The following KMO variants were observed in gnomAD, a reference collection of about 807,000 sequenced individuals.
The protein encoded by KMO is kynurenine 3-hydroxylase.
KMO carries 24 observed loss-of-function variants against 57.8 expected under a neutral mutation model. The observed-to-expected ratio is 0.42, with a 90% CI of 0.30 to 0.58. The LOEUF is 0.58. Among genes scored for constraint, KMO ranks in the 20% least tolerant of loss-of-function variants. KMO has a pLI of 0.22. For synonymous variants in KMO, 210 were observed against 193.6 expected (o/e 1.08, Z -0.70); for missense variants, 483 against 588.2 (o/e 0.82, Z 1.85).
chr1:241,550,158 TTCTCATCACTCATTGAGTAGC>T (rs1661344129), intron 3 of KMO: 1 of 158,842 alleles, frequency 6.3e-6, no homozygotes, highest in African/African-American at 2.4e-5. Flanking sequence ...AATAGAAAGC[TTCTCATCACTCATTGAGTAGC>T]AAAATCTGAC....
rs999599261 is a variant in KMO at position 241,569,024 on chromosome 1, T to A, written c.957+377T>A. ...CATTTTTACATCTAATTTTTTAAAA[T>A]TTTTTAATTATTATGGATATATACT... On this transcript the variant is annotated intron_variant, in intron 10 of 14. Transcript: ENST00000366559. Among the ~76,000 whole-genome samples the A allele has an allele frequency of 4.6e-5, 7 of 152,152 alleles. 1 individual carries two copies. In the South Asian group the frequency reaches 8.3e-4, roughly 18 times the overall value.
At chr1:241,566,731 G>A (rs1323682183) in intron 9 of KMO, 119 bp downstream of exon 9, 1 of 1,056,706 alleles carries the variant, frequency 9.5e-7, no homozygotes, top group Non-Finnish European at 1.4e-6. Context: ...AACCTGGACA[G>A]AAACCTACAT....
intron 4 of KMO, among the ~76,000 whole-genome samples, chr1:241,551,299 G>A (rs141746564): frequency 6.6e-6 from 1 of 152,296 alleles, no homozygotes; most frequent in Non-Finnish European, 1.5e-5. Flanking sequence ...CCTTTGCGCT[G>A]CCCTGCTACC....
chr1:241,565,173 T>C, intron 8 of KMO, 115 bp downstream of exon 8: 1 of 646,330 alleles, frequency 1.5e-6, no homozygotes, highest in Non-Finnish European at 2.7e-6. Flanking sequence ...GTTTAATCCA[T>C]TTAGTGATTA....
chr1:241,536,606 C>A, intron 1 of KMO: 3 of 446,096 alleles, frequency 6.7e-6, no homozygotes, highest in Non-Finnish European at 8.9e-6. Context: ...CTGACTCCTG[C>A]TGTTGCAATG....
intron 2 of KMO, among the ~76,000 whole-genome samples, chr1:241,549,236 A>G (rs1334487041): frequency 2.0e-4 from 3 of 14,664 alleles, no homozygotes; most frequent in South Asian, 8.2e-3. Flanking sequence ...AAAGAAAGAA[A>G]GAAAGAAAGA....
At chr1:241,539,257 G>C (rs1660865098) in intron 1 of KMO, among the ~76,000 whole-genome samples, 2 of 152,068 alleles carry the variant, frequency 1.3e-5, no homozygotes. Flanking sequence ...GGCAGTGTGT[G>C]CCTGTAGTCC....
chr1:241,594,383 T>C lies in KMO; in HGVS notation c.*2230T>C, dbSNP rs758675307. 4 of 1,582,488 alleles carry C rather than the reference T, an allele frequency of 2.5e-6. No homozygotes were observed. The Admixed American group carries it at 6.9e-5, about 27-fold the overall frequency. On this transcript the variant is annotated 3_prime_UTR_variant, in exon 15 of 15. Transcript: ENST00000366559. ...ACTTCTTATGATGAAAGTCCAAAAG[T>C]GGCATCCAATTTAAGGCCCCATCTT...
At chr1:241,539,326 G>T (rs1449606527) in intron 1 of KMO, among the ~76,000 whole-genome samples, 5 of 149,980 alleles carry the variant, frequency 3.3e-5, no homozygotes, top group African/African-American at 1.3e-4. Context: ...AAAGGTTTCA[G>T]TGAGCTGAGA....
rs148098270 is a variant in KMO at position 241,560,300 on chromosome 1, G to C, written c.362-365G>C. 4.0e-3 allele frequency among the ~76,000 whole-genome samples: 606 copies of C among 152,276 alleles called. 2 individuals are homozygous for C. The highest frequency in any genetic ancestry group is 0.01 in the Middle Eastern group (3 of 294). On this transcript the variant is annotated intron_variant, in intron 5 of 14. Transcript: ENST00000366559. ...ATGCGTAATATGAGGAAAGGAGTTT[G>C]ACTGAATATTTCCAGTCACAACAAA...
In KMO at chr1:241,581,873, T is replaced by G. The variant is rs533705374; in HGVS notation, c.958-4806T>G. Among the ~76,000 whole-genome samples, 4 of 152,300 alleles carry G rather than the reference T, an allele frequency of 2.6e-5. 1 individual carries two copies. In the South Asian group the frequency reaches 8.3e-4, roughly 32 times the overall value. ...ACTATTACCAGTGAATTAGATACCT[T>G]CAGGTGATTTTTTTTCTCATTTGTT... On this transcript the variant is annotated intron_variant, in intron 10 of 14. Coordinates refer to ENST00000366559, the MANE Select transcript of KMO (RefSeq NM_003679.5).
intron 6 of KMO, 113 bp downstream of exon 6, chr1:241,560,865 T>A: frequency 1.3e-6 from 1 of 741,712 alleles, no homozygotes. Context: ...ATTGAAAGGA[T>A]CATCCAAATA....
intron 1 of KMO, among the ~76,000 whole-genome samples, chr1:241,535,939 A>G (rs1660736776): frequency 1.3e-5 from 2 of 152,166 alleles, no homozygotes; most frequent in South Asian, 4.1e-4. Context: ...TCCCCATAGA[A>G]GCTTTTTACT....
intron 10 of KMO, among the ~76,000 whole-genome samples, chr1:241,572,154 C>T (rs931819210): frequency 6.6e-6 from 1 of 152,030 alleles, no homozygotes; most frequent in Non-Finnish European, 1.5e-5. Context: ...CATGAGCCAC[C>T]ACGCCCGGGC....
chr1:241,586,492 G>A (rs985258061), intron 10 of KMO, 187 bp from the exon 11 acceptor site: 26 of 562,998 alleles, frequency 4.6e-5, no homozygotes, highest in Middle Eastern at 9.7e-4. Context: ...GAGCCATCAC[G>A]TCCAGGCCCG....
At position 241,592,397 on chromosome 1, in the gene KMO, G is replaced by A; in HGVS notation, c.*244G>A. The A allele has an allele frequency of 1.0e-5, 5 of 497,748 alleles. No homozygotes were observed. The highest frequency in any genetic ancestry group is 1.8e-5 in the Non-Finnish European group (5 of 275,334). 30.8% of individuals were successfully genotyped at this position (497,748 alleles called of 1,614,324 possible). ...AGGTTGAGTCATTCTAACTATAAAA[G>A]TGCAATGACTAAGATCCTTCACTTC... is the stretch of plus-strand genomic sequence containing the variant. On this transcript the variant is annotated 3_prime_UTR_variant, in exon 15 of 15. Transcript: ENST00000366559.
intron 6 of KMO, among the ~76,000 whole-genome samples, chr1:241,561,441 A>G (rs1370857085): frequency 6.6e-6 from 1 of 152,128 alleles, no homozygotes; most frequent in Non-Finnish European, 1.5e-5. Context: ...CATTAAATCT[A>G]TAACACTCCC....
rs770445370 is a variant in KMO at position 241,590,049 on chromosome 1, A to G, written c.1136A>G (p.Gln379Arg). 1.2e-6 allele frequency: 2 copies of G among 1,614,068 alleles called. No individual in the cohort carries two copies. The highest frequency in any genetic ancestry group is 1.7e-5 in the Admixed American group (1 of 60,028). Residue 379 changes from glutamine to arginine, a missense_variant, in exon 13 of 15, where the codon CAG (glutamine) becomes CGG (arginine). By Grantham distance (43) the Gln-to-Arg change is conservative. Transcript: ENST00000366559. ...GTCAACTCAAGCTGGTTCATTTTTC[A>G]GAAGAACATGGAGAGATTTCTTCAT... ...AHVNSSWFIF[Q>R]KNMERFLHAI...
At chr1:241,583,773 T>A (rs1248265860) in intron 10 of KMO, among the ~76,000 whole-genome samples, 1 of 150,478 alleles carries the variant, frequency 6.6e-6, no homozygotes, top group Admixed American at 6.7e-5. Flanking sequence ...TGAGTCCATA[T>A]ATCCAGAACT....
Sources: allele counts gnomAD v4.1 joint callset (sites outside exome capture counted in the v4.1 genomes callset), GRCh38; gene constraint gnomAD v4.1.1; transcripts MANE v1.5; gene names NCBI Gene and HGNC (gene_info 2026-07-23, HGNC 2026-07-21).